The following LAMB4 variants were observed in gnomAD, a reference collection of about 807,000 sequenced individuals.
LAMB4 encodes the protein laminin subunit beta-4.
A neutral mutation model predicts 199.2 loss-of-function variants in LAMB4; 196 were observed. That is an observed-to-expected ratio of 0.98 (90% CI 0.88 to 1.11). The LOEUF (loss-of-function observed/expected upper bound fraction) is 1.11, where lower values mean the gene tolerates loss of function less well. Ranked by LOEUF, LAMB4 falls within the 50% of genes least tolerant of loss-of-function variation. The probability of loss-of-function intolerance (pLI) is 0.00; values close to 1 mark genes in which losing one functional copy is unlikely to be tolerated. For synonymous variants in LAMB4, 744 were observed against 770.6 expected (o/e 0.97, Z 0.57); for missense variants, 2,080 against 2,171.2 (o/e 0.96, Z 0.83).
chr7:108,054,011 C>T (rs902435801), intron 25 of LAMB4, among the ~76,000 whole-genome samples: 22 of 152,186 alleles, frequency 1.4e-4, no homozygotes, highest in African/African-American at 3.4e-4. Flanking sequence ...GATCTTGCAA[C>T]GCAGAAGTTG....
intron 2 of LAMB4, among the ~76,000 whole-genome samples, chr7:108,117,332 C>G (rs1032138248): frequency 1.3e-5 from 2 of 152,192 alleles, no homozygotes; most frequent in African/African-American, 4.8e-5. Context: ...TGTTAAACAT[C>G]TATACGGGCA....
rs1417416038 is a variant in LAMB4, at chr7:108,098,717, T to C, written c.1181-135A>G. 6.0e-6 allele frequency: 4 copies of C among 669,860 alleles called. No homozygotes were observed. The African/African-American group carries it at 7.3e-5, about 12-fold the overall frequency. 41.5% of individuals were successfully genotyped at this position (669,860 alleles called of 1,614,324 possible). On this transcript the variant is annotated intron_variant, in intron 10 of 33. Coordinates refer to ENST00000388781, the MANE Select transcript of LAMB4 (RefSeq NM_007356.3). ...TAAATGTTTAAATAATTAGACCACC[T>C]GGCAAGAGCTATTCAGAAATGTCTC...
At chr7:108,013,447 G>T in the LAMB4 span, among the ~76,000 whole-genome samples, 1 of 152,146 alleles carries the variant, frequency 6.6e-6, no homozygotes, top group African/African-American at 2.4e-5. Flanking sequence ...TGATTTAGAT[G>T]CATGAATATT....
intron 33 of LAMB4, among the ~76,000 whole-genome samples, chr7:108,027,691 A>T (rs931481422): frequency 2.0e-5 from 3 of 152,226 alleles, no homozygotes; most frequent in Non-Finnish European, 2.9e-5. Context: ...TGATGGTTAG[A>T]GATAGTTAAG....
At chr7:108,034,469 T>TA in intron 30 of LAMB4, 123 bp from the exon 31 acceptor site, 1 of 753,838 alleles carries the variant, frequency 1.3e-6, no homozygotes, top group Non-Finnish European at 2.1e-6. Flanking sequence ...TTTAAATTAC[T>TA]CTTAAACAAG....
chr7:108,084,222 A>C (rs753713002), intron 14 of LAMB4, among the ~76,000 whole-genome samples: 7 of 152,238 alleles, frequency 4.6e-5, no homozygotes, highest in African/African-American at 7.2e-5. Flanking sequence ...CAACTGCAGC[A>C]GCCAGAGGCT....
Position 108,098,461 on chromosome 7 carries a change from G to C in LAMB4, c.1302C>G (p.Cys434Trp). 1 of 1,556,652 alleles carries C rather than the reference G, an allele frequency of 6.4e-7. No individual in the cohort carries two copies. The highest frequency in any genetic ancestry group is 8.7e-7 in the Non-Finnish European group (1 of 1,151,542). Residue 434 changes from cysteine to tryptophan, a missense_variant, in exon 11 of 34, where the codon TGC (cysteine) becomes TGG (tryptophan). Transcript: ENST00000388781. ...LCKENVEGAK[C>W]DQCKPNHYGL... ...CGTAGTGGTTGGGTTTGCACTGGTC[G>C]CATTTGGCTCCTTCCACGTTCTCTT...
At chr7:108,015,509 A>C in the LAMB4 span, among the ~76,000 whole-genome samples, 5 of 152,218 alleles carry the variant, frequency 3.3e-5, no homozygotes, top group African/African-American at 4.8e-5. Flanking sequence ...AGAGGTAGTA[A>C]TCTGGATTTC....
intron 29 of LAMB4, among the ~76,000 whole-genome samples, chr7:108,040,226 G>A (rs2035373788): frequency 6.6e-6 from 1 of 152,098 alleles, no homozygotes; most frequent in Non-Finnish European, 1.5e-5. Flanking sequence ...TCTCTACAGG[G>A]AGAACTACAA....
chr7:108,044,843 C>T (rs928692818), intron 28 of LAMB4, among the ~76,000 whole-genome samples: 3 of 150,748 alleles, frequency 2.0e-5, no homozygotes, highest in Admixed American at 2.0e-4. Context: ...ATTCCAGCTA[C>T]TGGGGAGGCT....
At position 108,079,732 on chromosome 7, in the gene LAMB4, C is replaced by G. The variant is rs1446154436; in HGVS notation, c.1756G>C (p.Val586Leu). Residue 586 changes from valine to leucine, a missense_variant, in exon 15 of 34, where the codon GTT (valine) becomes CTT (leucine). By Grantham distance (32) the Val-to-Leu change is conservative. Coordinates refer to ENST00000388781, the MANE Select transcript of LAMB4 (RefSeq NM_007356.3). The stretch of plus-strand genomic sequence containing the variant: ...GTCCATGTAACAGGGTTCCCAGGAA[C>G]TGGCTCTCCTAAAACAACGTGAACA... ...PAVHVVLGEPVPGNPVTWTGP... is the reference protein window; with the variant it reads ...PAVHVVLGEPLPGNPVTWTGP... 6.2e-7 allele frequency: 1 copy of G among 1,610,266 alleles called. No homozygotes were observed. The highest frequency in any genetic ancestry group is 8.5e-7 in the Non-Finnish European group (1 of 1,178,702).
chr7:108,100,514 C>T (rs2037778837), intron 10 of LAMB4, among the ~76,000 whole-genome samples: 1 of 152,108 alleles, frequency 6.6e-6, no homozygotes, highest in Non-Finnish European at 1.5e-5. Flanking sequence ...CCTCATCTAC[C>T]TTTTATGGAA....
intron 21 of LAMB4, 71 bp from the exon 22 acceptor site, chr7:108,064,056 G>T: frequency 1.8e-6 from 2 of 1,111,898 alleles, no homozygotes; most frequent in Non-Finnish European, 2.8e-6. Flanking sequence ...GATGGATGTT[G>T]TAAATAGAAA....
At chr7:108,095,093 T>C in intron 12 of LAMB4, 135 bp downstream of exon 12, 1 of 644,396 alleles carries the variant, frequency 1.6e-6, no homozygotes, top group Non-Finnish European at 2.7e-6. Flanking sequence ...ATTTCTGTAG[T>C]GTAAATACTC....
In LAMB4 at chr7:108,092,339, G is replaced by A. The variant is rs753093714; in HGVS notation, c.1548C>T (p.Asn516=). ...GCTATAAAACTTATTTGACTTACACGTTAGAATAAGCACCTCCAATATCAC... is the reference window on the plus strand; with the variant it reads ...GCTATAAAACTTATTTGACTTACACATTAGAATAAGCACCTCCAATATCAC... The part of the protein sequence containing the change: ...CDCDIGGAYS[N]VCSPKNGQCE... Residue 516 remains asparagine (N), a splice_region_variant and synonymous_variant, in exon 13 of 34, where the codon AAC becomes AAT. Coordinates refer to ENST00000388781, the MANE Select transcript of LAMB4 (RefSeq NM_007356.3). 9.9e-6 allele frequency: 16 copies of A among 1,610,234 alleles called. No homozygotes were observed. The highest frequency in any genetic ancestry group is 2.7e-5 in the African/African-American group (2 of 74,802).
At chr7:108,115,691 A>G (rs2038379115) in intron 3 of LAMB4, among the ~76,000 whole-genome samples, 5 of 152,362 alleles carry the variant, frequency 3.3e-5, no homozygotes. Flanking sequence ...AATTATTTAC[A>G]TAACATTTAC....
At position 108,067,928 on chromosome 7, in the gene LAMB4, C is replaced by T. The variant is rs73424749; in HGVS notation, c.2446+88G>A. On this transcript the variant is annotated intron_variant, in intron 19 of 33. Coordinates refer to ENST00000388781, the MANE Select transcript of LAMB4 (RefSeq NM_007356.3). The stretch of plus-strand genomic sequence containing the variant: ...TGTAGTCAGGTTTCCAATCTCCTTC[C>T]CATTAAAACCCCCCTCCATGACTTT... The T allele has an allele frequency of 0.031, 46,709 of 1,504,708 alleles. 5,884 individuals carry two copies. In the African/African-American group the frequency reaches 0.38, roughly 12 times the overall value. The allele number at this position is 1,504,708 out of a possible 1,614,324, so 93.2% of individuals were successfully genotyped here. A position where few individuals can be genotyped will look rare whatever the true frequency, so the allele number is the denominator to read the frequency against.
intron 17 of LAMB4, among the ~76,000 whole-genome samples, chr7:108,072,685 A>G: frequency 6.6e-6 from 1 of 152,102 alleles, no homozygotes; most frequent in South Asian, 2.1e-4. Flanking sequence ...GAGAATAAGA[A>G]CCGGGGTGGC....
At chr7:108,029,430 T>C (rs1481884423) in intron 32 of LAMB4, among the ~76,000 whole-genome samples, 1 of 152,202 alleles carries the variant, frequency 6.6e-6, no homozygotes, top group Non-Finnish European at 1.5e-5. Context: ...AAAATAGCAA[T>C]TGTTATTGCA....
Sources: allele counts gnomAD v4.1 joint callset (sites outside exome capture counted in the v4.1 genomes callset), GRCh38; gene constraint gnomAD v4.1.1; transcripts MANE v1.5; gene names NCBI Gene and HGNC (gene_info 2026-07-23, HGNC 2026-07-21).